Variants in TTC3 observed in about 807,000 individuals in gnomAD.
The protein encoded by TTC3 is tetratricopeptide repeat domain 3.
TTC3 carries 180 observed loss-of-function variants against 249.6 expected under a neutral mutation model. That is an observed-to-expected ratio of 0.72 (90% CI 0.64 to 0.82). The LOEUF (loss-of-function observed/expected upper bound fraction) is 0.82, where lower values mean the gene tolerates loss of function less well. Ranked by LOEUF, TTC3 falls within the 40% of genes least tolerant of loss-of-function variation. The pLI, the probability that TTC3 is intolerant of heterozygous loss-of-function variation, is 0.00. For missense variants in TTC3, 2,061 were observed against 2,398.4 expected (o/e 0.86, Z 2.94); for synonymous variants, 717 against 805.0 (o/e 0.89, Z 1.85).
chr21:37,080,588 C>T (rs1231610453), intron 1 of TTC3, among the ~76,000 whole-genome samples: 2 of 152,156 alleles, frequency 1.3e-5, no homozygotes, highest in Non-Finnish European at 2.9e-5. Flanking sequence ...TTACTAGTTT[C>T]TAACAGATTT....
chr21:37,114,715 A>G (rs1481594350), intron 11 of TTC3, among the ~76,000 whole-genome samples: 3 of 152,174 alleles, frequency 2.0e-5, no homozygotes, highest in African/African-American at 4.8e-5. Context: ...TCATGCTGCT[A>G]TAAAGACACA....
In TTC3 at chr21:37,138,270, C is replaced by T. The variant is rs372697796; in HGVS notation, c.1579-364C>T. On this transcript the variant is annotated intron_variant, in intron 18 of 45. Coordinates refer to ENST00000355666, the Ensembl canonical transcript of TTC3. ...TTGCTTTATTGTGATGCTCCAGAGC[C>T]GAGCCCACAGTATCTCTGAGGTATG... is the stretch of plus-strand genomic sequence containing the variant. 3.7e-4 allele frequency among the ~76,000 whole-genome samples: 56 copies of T among 152,222 alleles called. 1 individual carries two copies. The East Asian group carries it at 6.2e-3, about 17-fold the overall frequency.
At chr21:37,137,407 A>C (rs73393111) in intron 18 of TTC3, among the ~76,000 whole-genome samples, 3,169 of 152,246 alleles carry the variant, frequency 0.021, 103 homozygotes, top group African/African-American at 0.073. Flanking sequence ...TGGAAGAAGT[A>C]AATTCCAGCC....
chr21:37,140,581 C>T (rs1261703437), exon 20 of TTC3: 2 of 1,585,750 alleles, frequency 1.3e-6, no homozygotes, highest in African/African-American at 2.7e-5. Flanking sequence ...AAGCCGAAAA[C>T]CAGTTTAAGA....
intron 37 of TTC3, among the ~76,000 whole-genome samples, chr21:37,186,439 A>T (rs1164479639): frequency 6.6e-6 from 1 of 152,082 alleles, no homozygotes; most frequent in Non-Finnish European, 1.5e-5. Context: ...ACTTTTTAAA[A>T]TTTTTATTTA....
chr21:37,139,920 T>G (rs186545303), intron 19 of TTC3, among the ~76,000 whole-genome samples: 108 of 152,266 alleles, frequency 7.1e-4, no homozygotes, highest in Non-Finnish European at 5.6e-4. Flanking sequence ...GCCTCAAAGC[T>G]CCATTTTGTA....
At chr21:37,163,262 T>C (rs1380887506) in intron 31 of TTC3, among the ~76,000 whole-genome samples, 1 of 152,238 alleles carries the variant, frequency 6.6e-6, no homozygotes, top group East Asian at 1.9e-4. Flanking sequence ...AGCTTATAAA[T>C]AGCAGAGCTG....
At chr21:37,144,772 A>C in intron 21 of TTC3, 127 bp downstream of exon 21, 1 of 1,149,548 alleles carries the variant, frequency 8.7e-7, no homozygotes, top group Non-Finnish European at 1.2e-6. Flanking sequence ...TTTCCCCTCT[A>C]CTGTCTAATG....
At chr21:37,188,565 C>A (rs148719957) in exon 39 of TTC3, 18 of 1,613,808 alleles carry the variant, frequency 1.1e-5, no homozygotes, top group Non-Finnish European at 1.4e-5. Context: ...CAAGCAGAAG[C>A]CTTTCTGAAG....
chr21:37,188,328 C>T, intron 38 of TTC3, 167 bp from the exon 39 acceptor site: 2 of 542,024 alleles, frequency 3.7e-6, no homozygotes, highest in South Asian at 4.6e-5. Context: ...TTTCAAATCT[C>T]AAAGTCTAAT....
At chr21:37,133,749 CTAGACTGA>C (rs1190092810) in intron 17 of TTC3, among the ~76,000 whole-genome samples, 3 of 152,118 alleles carry the variant, frequency 2.0e-5, no homozygotes. Flanking sequence ...GATCTGATTT[CTAGACTGA>C]TAAAGAAAGC....
chr21:37,140,576 GA>G lies in TTC3; in HGVS notation c.1679del (p.Asn560ThrfsTer28). ...GCTATTCAAGGAATTATCTGAAGCC[GA>G]AAACCAGTTTAAGAGGATTATTGAA... On this transcript the variant is annotated frameshift_variant, in exon 20 of 46. Transcript: ENST00000355666. LOFTEE classifies it high-confidence loss of function. The G allele has an allele frequency of 6.3e-7, 1 of 1,583,494 alleles. No homozygotes were observed. The highest frequency in any genetic ancestry group is 8.6e-7 in the Non-Finnish European group (1 of 1,167,438).
chr21:37,170,907 C>T (rs2081716815), intron 34 of TTC3, among the ~76,000 whole-genome samples: 1 of 152,090 alleles, frequency 6.6e-6, no homozygotes, highest in East Asian at 1.9e-4. Context: ...TATAATTAAA[C>T]AATAGTTTTT....
exon 6 of TTC3, chr21:37,090,264 G>T: frequency 6.2e-7 from 1 of 1,607,282 alleles, no homozygotes; most frequent in Non-Finnish European, 8.5e-7. Flanking sequence ...GGCTTATTGA[G>T]AATTGGTTGT....
intron 16 of TTC3, among the ~76,000 whole-genome samples, chr21:37,129,269 C>T (rs544737432): frequency 6.6e-6 from 1 of 152,210 alleles, no homozygotes; most frequent in Admixed American, 6.5e-5. Context: ...AATATATTGA[C>T]TTCTGAAAGT....
At chr21:37,142,106 TA>T (rs1487365770) in intron 20 of TTC3, among the ~76,000 whole-genome samples, 8 of 152,154 alleles carry the variant, frequency 5.3e-5, no homozygotes, top group Admixed American at 3.9e-4. Context: ...TATCTCAAAA[TA>T]ATAAAAGCTA....
rs371278299 is a variant in TTC3, at chr21:37,124,408, C to T, written c.1110-211C>T. On this transcript the variant is annotated intron_variant, in intron 13 of 45. Coordinates refer to ENST00000355666, the Ensembl canonical transcript of TTC3. ...CTGGAATTACAGGCGTGAACCACTG[C>T]ACCCAGCCCTTGACCTGTTCTTTAT... 3.9e-5 allele frequency among the ~76,000 whole-genome samples: 6 copies of T among 152,178 alleles called. No homozygotes were observed. In the East Asian group the frequency reaches 1.2e-3, roughly 29 times the overall value.
exon 26 of TTC3, chr21:37,152,004 T>G: frequency 6.3e-7 from 1 of 1,593,628 alleles, no homozygotes; most frequent in East Asian, 2.2e-5. Flanking sequence ...GAGAAAGTAA[T>G]CCACCCAAAA....
At chr21:37,125,309 G>T (rs143685903) in intron 14 of TTC3, among the ~76,000 whole-genome samples, 1 of 152,262 alleles carries the variant, frequency 6.6e-6, no homozygotes, top group African/African-American at 2.4e-5. Flanking sequence ...TGTCCAAATC[G>T]TACTTCTTTC....
Sources: gnomAD v4.1 joint callset for allele counts (sites outside exome capture counted in the v4.1 genomes callset) on GRCh38, gnomAD v4.1.1 for gene constraint, MANE v1.5 for transcripts, NCBI Gene and HGNC (gene_info 2026-07-23, HGNC 2026-07-21) for gene names.